Variants in GPHN observed in about 807,000 individuals in gnomAD.
GPHN encodes the protein gephyrin.
Under a neutral mutation model 95.5 loss-of-function variants are expected in GPHN, and 17 were observed. That is an observed-to-expected ratio of 0.18 (90% CI 0.12 to 0.27). The LOEUF (loss-of-function observed/expected upper bound fraction) is 0.27, where lower values mean the gene tolerates loss of function less well. Among genes scored for constraint, GPHN ranks in the 10% least tolerant of loss-of-function variants. The pLI is 1.00. For synonymous variants in GPHN, 320 were observed against 322.5 expected, an observed-to-expected ratio of 0.99 and a Z score of 0.08; for missense variants, 660 against 978.1, an observed-to-expected ratio of 0.67 and a Z score of 4.34.
chr14:67,439,190 G>A, the GPHN span, among the ~76,000 whole-genome samples: 182 of 152,318 alleles, frequency 1.2e-3, no homozygotes, highest in Admixed American at 4.2e-3. Context: ...CTGTGAAATG[G>A]GGATAATGCT....
chr14:67,557,796 C>T, the GPHN span, among the ~76,000 whole-genome samples: 1 of 152,214 alleles, frequency 6.6e-6, no homozygotes, highest in Non-Finnish European at 1.5e-5. Flanking sequence ...TGACCTGTGC[C>T]TAGTGTCAGG....
At chr14:66,525,826 T>C (rs551085216) in intron 1 of GPHN, among the ~76,000 whole-genome samples, 1 of 152,270 alleles carries the variant, frequency 6.6e-6, no homozygotes, top group East Asian at 1.9e-4. Context: ...GAGGCCTCTG[T>C]TCTGTTCCAT....
At chr14:66,748,496 T>C (rs2058245598) in intron 2 of GPHN, among the ~76,000 whole-genome samples, 1 of 151,926 alleles carries the variant, frequency 6.6e-6, no homozygotes, top group African/African-American at 2.4e-5. Context: ...AGTGGTATAT[T>C]TGTTGCCATT....
Position 67,143,351 on chromosome 14 carries a change from T to C in GPHN, c.1749-11T>C, listed in dbSNP as rs763600626. The C allele has an allele frequency of 1.9e-6, 3 of 1,574,186 alleles. No homozygotes were observed. The South Asian group carries it at 3.3e-5, about 17-fold the overall frequency. ...TTGTGTGTTAATTTCTTTGTCTTTA[T>C]TTTTTTCCAGCCCAGATGACTTACT... On this transcript the variant is annotated splice_polypyrimidine_tract_variant and intron_variant, in intron 17 of 22. Transcript: ENST00000478722.
At chr14:67,241,108 C>T in the GPHN span, 1 of 152,350 alleles carries the variant, frequency 6.6e-6, no homozygotes, top group East Asian at 1.9e-4. Context: ...GAGCAGTCCG[C>T]GTTTTAGACT....
chr14:67,262,731 A>G, the GPHN span, among the ~76,000 whole-genome samples: 2,953 of 152,256 alleles, frequency 0.019, 40 homozygotes, highest in Middle Eastern at 0.034. Context: ...AGAAAATTCA[A>G]ACAATTTAGT....
the GPHN span, chr14:67,302,144 A>C: frequency 1.9e-6 from 3 of 1,570,552 alleles, no homozygotes; most frequent in Non-Finnish European, 2.6e-6. Flanking sequence ...ACTGTTTTTA[A>C]ACAAGTGCAT....
At chr14:67,349,131 T>C in the GPHN span, 1 of 1,605,636 alleles carries the variant, frequency 6.2e-7, no homozygotes, top group Middle Eastern at 1.7e-4. Context: ...AGACTTTATT[T>C]AGCAGACTCT....
chr14:67,587,987 C>T, the GPHN span: 1 of 152,606 alleles, frequency 6.6e-6, no homozygotes, highest in East Asian at 1.9e-4. Context: ...GGCTGCCTTT[C>T]CCAAATGGGA....
intron 9 of GPHN, among the ~76,000 whole-genome samples, chr14:66,991,998 C>A (rs1354347852): frequency 1.3e-5 from 2 of 150,808 alleles, no homozygotes; most frequent in Non-Finnish European, 3.0e-5. Context: ...GCAGTGGGGC[C>A]AAAGAGAGCC....
At chr14:66,648,301 A>T (rs894091253) in intron 1 of GPHN, among the ~76,000 whole-genome samples, 23 of 152,286 alleles carry the variant, frequency 1.5e-4, no homozygotes, top group African/African-American at 5.5e-4. Context: ...TATTACTGTA[A>T]ATCATTGTAC....
chr14:66,723,982 T>TACACACACACAC (rs369422536), intron 2 of GPHN, among the ~76,000 whole-genome samples: 24 of 143,144 alleles, frequency 1.7e-4, no homozygotes, highest in African/African-American at 2.4e-4. Flanking sequence ...ATGTCATGCA[T>TACACACACACAC]ACATACACAC....
At chr14:67,354,421 G>T in the GPHN span, among the ~76,000 whole-genome samples, 1 of 152,098 alleles carries the variant, frequency 6.6e-6, no homozygotes, top group Non-Finnish European at 1.5e-5. Flanking sequence ...AATTTTAAAT[G>T]CAATTATTTT....
chr14:67,220,489 C>G, the GPHN span, among the ~76,000 whole-genome samples: 3 of 151,784 alleles, frequency 2.0e-5, no homozygotes, highest in Admixed American at 2.0e-4. Context: ...ATATTGTGCC[C>G]TCAGATTTAC....
At chr14:67,529,461 T>C in the GPHN span, among the ~76,000 whole-genome samples, 1 of 152,188 alleles carries the variant, frequency 6.6e-6, no homozygotes, top group African/African-American at 2.4e-5. Flanking sequence ...TAGATATTTG[T>C]TAGTGAGTAA....
chr14:67,049,885 C>T lies in GPHN; in HGVS notation c.1007-8764C>T, dbSNP rs563232775. Among the ~76,000 whole-genome samples the T allele has an allele frequency of 7.2e-5, 11 of 152,198 alleles. No homozygotes were observed. In the East Asian group the frequency reaches 2.1e-3, roughly 29 times the overall value. ...GTGAGTCTTGAGTGGGAAGAAGCCT[C>T]GTGGCACATAAAAAGGTGCTTAATT... On this transcript the variant is annotated intron_variant, in intron 10 of 22. Coordinates refer to ENST00000478722, the MANE Select transcript of GPHN (RefSeq NM_020806.5).
chr14:67,127,253 T>TAAA (rs147026463), intron 17 of GPHN, among the ~76,000 whole-genome samples: 8 of 144,850 alleles, frequency 5.5e-5, no homozygotes, highest in South Asian at 4.3e-4. Flanking sequence ...TAAAGTATAA[T>TAAA]AAAAAAAAAA....
intron 1 of GPHN, among the ~76,000 whole-genome samples, chr14:66,654,265 G>A (rs2065197230): frequency 6.6e-6 from 1 of 151,976 alleles, no homozygotes; most frequent in African/African-American, 2.4e-5. Flanking sequence ...ACCATGCCCA[G>A]CTAATTTTCA....
the GPHN span, among the ~76,000 whole-genome samples, chr14:67,298,579 A>G: frequency 6.6e-5 from 10 of 152,196 alleles, no homozygotes; most frequent in African/African-American, 2.4e-4. Flanking sequence ...GTAAAAATAA[A>G]TGTCAAGAAT....
Sources: allele counts gnomAD v4.1 joint callset (sites outside exome capture counted in the v4.1 genomes callset), GRCh38; gene constraint gnomAD v4.1.1; transcripts MANE v1.5; gene names NCBI Gene and HGNC (gene_info 2026-07-23, HGNC 2026-07-21).